TTLL11: variants seen among roughly 807,000 people sequenced by gnomAD.
The protein encoded by TTLL11 is tubulin tyrosine ligase like 11.
Under a neutral mutation model 51.7 loss-of-function variants are expected in TTLL11, and 42 were observed. The ratio of observed to expected loss-of-function variants is 0.81; its 90% CI spans 0.64 to 1.05. The LOEUF (loss-of-function observed/expected upper bound fraction) is 1.05. TTLL11 is among the 50% of genes least tolerant of loss of function. The pLI, the probability that TTLL11 is intolerant of heterozygous loss-of-function variation, is 0.00. For synonymous variants in TTLL11, 381 were observed against 383.5 expected, an observed-to-expected ratio of 0.99 and a Z score of 0.08; for missense variants, 799 against 940.4, an observed-to-expected ratio of 0.85 and a Z score of 1.97.
intron 1 of TTLL11, among the ~76,000 whole-genome samples, chr9:122,085,292 G>C (rs1846095731): frequency 6.6e-6 from 1 of 152,048 alleles, no homozygotes; most frequent in Non-Finnish European, 1.5e-5. Flanking sequence ...GTATGACATA[G>C]GCACCAGGTC....
At chr9:121,962,776 T>C (rs1209122718) in intron 6 of TTLL11, among the ~76,000 whole-genome samples, 2 of 152,254 alleles carry the variant, frequency 1.3e-5, no homozygotes, top group Non-Finnish European at 2.9e-5. Flanking sequence ...ATATTCATTC[T>C]GGTTGTGAAC....
rs892750298 is a variant in TTLL11 at position 121,817,821 on chromosome 9, A to T, written c.*4766T>A. ...CGAGACCTCGAGACCTTGGTCAGTCACTAAGCCTCCTGGAAGCCACTTCCC... is the reference window on the plus strand; with the variant it reads ...CGAGACCTCGAGACCTTGGTCAGTCTCTAAGCCTCCTGGAAGCCACTTCCC... On this transcript the variant is annotated 3_prime_UTR_variant, in exon 9 of 9. Coordinates refer to ENST00000321582, the MANE Select transcript of TTLL11 (RefSeq NM_001139442.2). The T allele has an allele frequency of 2.0e-5, 3 of 152,270 alleles. No homozygotes were observed. Among genetic ancestry groups the T allele is most frequent in the Non-Finnish European group, 2.9e-5 (2 of 68,076 alleles). 9.4% of individuals were successfully genotyped at this position (152,270 alleles called of 1,614,324 possible).
At chr9:122,077,273 A>G (rs545045168) in intron 1 of TTLL11, among the ~76,000 whole-genome samples, 14 of 152,314 alleles carry the variant, frequency 9.2e-5, no homozygotes, top group African/African-American at 3.1e-4. Context: ...AATAACGCCT[A>G]ATTTGTGAAG....
intron 6 of TTLL11, among the ~76,000 whole-genome samples, chr9:121,967,432 C>T (rs952112722): frequency 1.3e-5 from 2 of 151,928 alleles, no homozygotes; most frequent in African/African-American, 4.8e-5. Context: ...ACCATGTTGG[C>T]CAGGCTGGTC....
chr9:121,866,434 T>C (rs1181703975), intron 7 of TTLL11, among the ~76,000 whole-genome samples: 2 of 151,846 alleles, frequency 1.3e-5, no homozygotes, highest in South Asian at 4.2e-4. Flanking sequence ...CTGAGGCGGG[T>C]GGATCACCTG....
At chr9:122,039,827 C>T (rs1488929816) in intron 1 of TTLL11, among the ~76,000 whole-genome samples, 3 of 151,926 alleles carry the variant, frequency 2.0e-5, no homozygotes, top group Non-Finnish European at 4.4e-5. Flanking sequence ...CAACCGAGCC[C>T]AAAAGAATAA....
At chr9:122,029,188 AATG>A (rs1465056187) in intron 3 of TTLL11, among the ~76,000 whole-genome samples, 1 of 152,234 alleles carries the variant, frequency 6.6e-6, no homozygotes, top group Non-Finnish European at 1.5e-5. Context: ...AATACTTGAT[AATG>A]ATAATAAACT....
chr9:122,057,932 T>G (rs1031956450), intron 1 of TTLL11, among the ~76,000 whole-genome samples: 4 of 151,938 alleles, frequency 2.6e-5, no homozygotes, highest in Non-Finnish European at 5.9e-5. Flanking sequence ...CACTGAGGGG[T>G]TCAGAAAAGA....
intron 6 of TTLL11, among the ~76,000 whole-genome samples, chr9:121,970,143 C>A (rs1842511482): frequency 6.6e-6 from 1 of 152,220 alleles, no homozygotes; most frequent in Admixed American, 6.5e-5. Context: ...CAAGTTCCAA[C>A]TTCTAACTGT....
chr9:121,952,881 C>CT (rs1841895282), intron 6 of TTLL11, among the ~76,000 whole-genome samples: 1 of 152,132 alleles, frequency 6.6e-6, no homozygotes, highest in African/African-American at 2.4e-5. Context: ...CCCAGCAGCA[C>CT]TTTTTTCATA....
At chr9:121,823,170 G>A (rs1836636881) in intron 8 of TTLL11, among the ~76,000 whole-genome samples, 1 of 152,350 alleles carries the variant, frequency 6.6e-6, no homozygotes, top group Non-Finnish European at 1.5e-5. Context: ...TCAGAGACAC[G>A]GAGAGAGCTG....
intron 4 of TTLL11, among the ~76,000 whole-genome samples, chr9:121,983,668 G>A (rs925727916): frequency 6.6e-6 from 1 of 152,048 alleles, no homozygotes; most frequent in African/African-American, 2.4e-5. Context: ...TCCTCCTCTG[G>A]GAAGCCTTCC....
intron 4 of TTLL11, among the ~76,000 whole-genome samples, chr9:121,980,349 T>C (rs151106644): frequency 1.2e-4 from 18 of 152,218 alleles, no homozygotes; most frequent in Non-Finnish European, 2.1e-4. Context: ...AATAAGGAAA[T>C]ATCCTCGTGC....
intron 6 of TTLL11, among the ~76,000 whole-genome samples, chr9:121,959,607 T>C (rs1047412608): frequency 6.6e-6 from 1 of 152,032 alleles, no homozygotes; most frequent in Non-Finnish European, 1.5e-5. Flanking sequence ...AACATTTCTC[T>C]CCATCCCTAC....
At chr9:121,837,304 A>G (rs1316377648) in intron 8 of TTLL11, among the ~76,000 whole-genome samples, 1 of 103,954 alleles carries the variant, frequency 9.6e-6, no homozygotes, top group Admixed American at 8.2e-5. Context: ...AGTGGAACTT[A>G]TGGGTCAAGT....
At chr9:122,040,994 A>G (rs1391025969) in intron 1 of TTLL11, among the ~76,000 whole-genome samples, 1 of 152,224 alleles carries the variant, frequency 6.6e-6, no homozygotes, top group African/African-American at 2.4e-5. Context: ...CAAAGGGTAA[A>G]GTGGCTTTGC....
intron 7 of TTLL11, among the ~76,000 whole-genome samples, chr9:121,863,559 A>C (rs891566194): frequency 6.6e-6 from 1 of 152,192 alleles, no homozygotes; most frequent in Non-Finnish European, 1.5e-5. Context: ...TTCCCTTTCC[A>C]AGGTAACTCT....
chr9:121,911,871 G>A (rs1447047947), intron 6 of TTLL11, among the ~76,000 whole-genome samples: 3 of 152,076 alleles, frequency 2.0e-5, no homozygotes, highest in Non-Finnish European at 2.9e-5. Flanking sequence ...CATGGCACAT[G>A]TATACCTATG....
rs1317422287 is a variant in TTLL11, at chr9:121,973,128, C to G, written c.1481+881G>C. 5.9e-5 allele frequency among the ~76,000 whole-genome samples: 9 copies of G among 152,322 alleles called. No homozygotes were observed. The East Asian group carries it at 1.7e-3, about 29-fold the overall frequency. On this transcript the variant is annotated intron_variant, in intron 6 of 8. Transcript: ENST00000321582. ...AATTTGGTAAAAACAAAACAACATA[C>G]TCAAGTGAAATATTCATTTCTGGGG...
Sources: gnomAD v4.1 joint callset for allele counts (sites outside exome capture counted in the v4.1 genomes callset) on GRCh38, gnomAD v4.1.1 for gene constraint, MANE v1.5 for transcripts, NCBI Gene and HGNC (gene_info 2026-07-23, HGNC 2026-07-21) for gene names.